The following SPIDR variants were observed in gnomAD, a reference collection of about 807,000 sequenced individuals.
SPIDR encodes the protein DNA repair-scaffolding protein.
A neutral mutation model predicts 104.6 loss-of-function variants in SPIDR; 93 were observed. The ratio of observed to expected loss-of-function variants is 0.89; its 90% CI spans 0.75 to 1.06. The LOEUF (loss-of-function observed/expected upper bound fraction) is 1.06, where lower values mean the gene tolerates loss of function less well. SPIDR is among the 50% of genes least tolerant of loss of function. The pLI is 0.00. For missense variants in SPIDR, 1,154 were observed against 1,111.2 expected (o/e 1.04, Z -0.55); for synonymous variants, 431 against 416.9 (o/e 1.03, Z -0.41).
chr8:47,556,759 T>G (rs980496207), intron 8 of SPIDR, among the ~76,000 whole-genome samples: 6 of 151,960 alleles, frequency 3.9e-5, no homozygotes, highest in African/African-American at 1.5e-4. Flanking sequence ...GACACTCCCA[T>G]TCCCAGATAA....
intron 6 of SPIDR, among the ~76,000 whole-genome samples, chr8:47,403,691 C>T (rs1182083226): frequency 6.6e-5 from 10 of 152,048 alleles, no homozygotes; most frequent in Middle Eastern, 6.8e-3. Context: ...CACTCCTCAA[C>T]GAAATAAAAG....
intron 10 of SPIDR, among the ~76,000 whole-genome samples, chr8:47,621,897 G>A (rs577002589): frequency 1.2e-4 from 18 of 152,266 alleles, no homozygotes; most frequent in Non-Finnish European, 2.1e-4. Context: ...CCCGGGAGGC[G>A]GAGGTTGCAG....
chr8:47,335,159 T>C (rs1194826017), intron 5 of SPIDR, among the ~76,000 whole-genome samples: 1 of 152,230 alleles, frequency 6.6e-6, no homozygotes, highest in Non-Finnish European at 1.5e-5. Flanking sequence ...GTTAGGTCAA[T>C]TAAGAATAAA....
chr8:47,581,903 G>C (rs776046632), intron 8 of SPIDR, among the ~76,000 whole-genome samples: 1 of 152,060 alleles, frequency 6.6e-6, no homozygotes, highest in Non-Finnish European at 1.5e-5. Flanking sequence ...CAAGCAAATC[G>C]ATCCTAATTT....
chr8:47,308,304 C>T (rs181471539), intron 5 of SPIDR, among the ~76,000 whole-genome samples: 2 of 151,704 alleles, frequency 1.3e-5, no homozygotes, highest in East Asian at 3.9e-4. Context: ...CTCAGGTGAT[C>T]TGCCCACCTC....
intron 8 of SPIDR, among the ~76,000 whole-genome samples, chr8:47,503,196 A>AAC (rs1358969018): frequency 7.2e-5 from 11 of 152,066 alleles, no homozygotes; most frequent in Non-Finnish European, 1.5e-4. Flanking sequence ...TATCCTTGTT[A>AAC]ACTTTCTGTC....
chr8:47,472,965 T>TG (rs1431517716), intron 8 of SPIDR, among the ~76,000 whole-genome samples: 1 of 152,222 alleles, frequency 6.6e-6, no homozygotes, highest in African/African-American at 2.4e-5. Context: ...CGTGGTCTTC[T>TG]GGGGGTCGGG....
chr8:47,589,034 T>TTTTTTTTTTTTTTTTTTTTTTG (rs2060655299), intron 8 of SPIDR, among the ~76,000 whole-genome samples: 1 of 149,714 alleles, frequency 6.7e-6, no homozygotes, highest in Non-Finnish European at 1.5e-5. Context: ...TTTTTTTTTT[T>TTTTTTTTTTTTTTTTTTTTTTG]TTTTTTTTTG....
intron 5 of SPIDR, among the ~76,000 whole-genome samples, chr8:47,337,971 T>G (rs1192533286): frequency 6.6e-6 from 1 of 152,168 alleles, no homozygotes; most frequent in African/African-American, 2.4e-5. Flanking sequence ...TCACCTTACC[T>G]TAATTAATGT....
intron 7 of SPIDR, among the ~76,000 whole-genome samples, chr8:47,436,408 T>C (rs2068331823): frequency 1.3e-5 from 2 of 152,098 alleles, no homozygotes; most frequent in Non-Finnish European, 2.9e-5. Context: ...GTAAAATGAG[T>C]ATATCCCCTG....
At chr8:47,727,945 A>G (rs988511036) in intron 17 of SPIDR, among the ~76,000 whole-genome samples, 1 of 151,524 alleles carries the variant, frequency 6.6e-6, no homozygotes, top group South Asian at 2.1e-4. Context: ...GGCAAAACCC[A>G]GTCTCTACTA....
intron 5 of SPIDR, among the ~76,000 whole-genome samples, chr8:47,328,777 A>G (rs367889126): frequency 6.6e-6 from 1 of 151,990 alleles, no homozygotes; most frequent in Non-Finnish European, 1.5e-5. Flanking sequence ...AGTTGCATCT[A>G]TGTACACCAG....
chr8:47,333,586 G>C (rs2049156181), intron 5 of SPIDR, among the ~76,000 whole-genome samples: 1 of 152,054 alleles, frequency 6.6e-6, no homozygotes, highest in Admixed American at 6.6e-5. Flanking sequence ...ACAGGCATGA[G>C]CCACCACACC....
chr8:47,314,304 C>T (rs587690463), intron 5 of SPIDR, among the ~76,000 whole-genome samples: 1 of 152,084 alleles, frequency 6.6e-6, no homozygotes, highest in African/African-American at 2.4e-5. Flanking sequence ...AAATGGAATT[C>T]TGAAATGTAT....
At chr8:47,384,997 C>CGAAA (rs2059723854) in intron 5 of SPIDR, among the ~76,000 whole-genome samples, 1 of 151,968 alleles carries the variant, frequency 6.6e-6, no homozygotes, top group Admixed American at 6.6e-5. Context: ...TGTTTTGTTT[C>CGAAA]CTCTTTTGTC....
Position 47,714,304 on chromosome 8 carries a change from T to G in SPIDR, c.2341+663T>G, listed in dbSNP as rs141535269. 5.5e-4 allele frequency among the ~76,000 whole-genome samples: 84 copies of G among 152,222 alleles called. 1 individual carries two copies. Among genetic ancestry groups the G allele is most frequent in the Non-Finnish European group, 9.3e-4 (63 of 68,014 alleles). On this transcript the variant is annotated intron_variant, in intron 16 of 19. Transcript: ENST00000297423. ...TGGGCATAGATGGAGGCAGAAGACA[T>G]CTGACAACCTCCGAGCTCCTGGCTC...
intron 11 of SPIDR, among the ~76,000 whole-genome samples, chr8:47,698,754 A>C (rs1048305637): frequency 6.6e-6 from 1 of 152,252 alleles, no homozygotes; most frequent in African/African-American, 2.4e-5. Flanking sequence ...TCATGGTTAT[A>C]AATGGGAGAA....
chr8:47,707,531 T>C (rs2081265582), intron 14 of SPIDR, among the ~76,000 whole-genome samples: 1 of 152,224 alleles, frequency 6.6e-6, no homozygotes, highest in Non-Finnish European at 1.5e-5. Flanking sequence ...TCTCAGGATC[T>C]CTAAATTCTA....
intron 5 of SPIDR, among the ~76,000 whole-genome samples, chr8:47,313,053 C>G (rs1388222056): frequency 6.6e-6 from 1 of 152,098 alleles, no homozygotes. Flanking sequence ...GTTGGAAGTT[C>G]TGGCCAGGGC....
Sources: allele counts gnomAD v4.1 joint callset (sites outside exome capture counted in the v4.1 genomes callset), GRCh38; gene constraint gnomAD v4.1.1; transcripts MANE v1.5; gene names NCBI Gene and HGNC (gene_info 2026-07-23, HGNC 2026-07-21).